Variants in CYP7B1 observed in about 807,000 individuals in gnomAD.
The protein encoded by CYP7B1 is cytochrome P450 7B1.
Under a neutral mutation model 42.7 loss-of-function variants are expected in CYP7B1, and 29 were observed. That is an observed-to-expected ratio of 0.68 (90% CI 0.51 to 0.93). The LOEUF (loss-of-function observed/expected upper bound fraction) is 0.93, where lower values mean the gene tolerates loss of function less well. CYP7B1 is among the 40% of genes least tolerant of loss of function. CYP7B1 has a pLI of 0.00. For missense variants in CYP7B1, 655 were observed against 600.5 expected, an observed-to-expected ratio of 1.09 and a Z score of -0.95; for synonymous variants, 235 against 218.2, an observed-to-expected ratio of 1.08 and a Z score of -0.68.
At chr8:64,613,336 T>C (rs1333089800) in intron 4 of CYP7B1, among the ~76,000 whole-genome samples, 1 of 152,178 alleles carries the variant, frequency 6.6e-6, no homozygotes, top group Non-Finnish European at 1.5e-5. Flanking sequence ...TAAATGTTTC[T>C]GCTTTAATAC....
intron 1 of CYP7B1, among the ~76,000 whole-genome samples, chr8:64,683,889 G>A (rs1353846485): frequency 6.6e-6 from 1 of 151,912 alleles, no homozygotes; most frequent in African/African-American, 2.4e-5. Flanking sequence ...CCGGAATGTT[G>A]TTCTTCTAGA....
At chr8:64,644,317 G>C (rs1354109724) in intron 1 of CYP7B1, among the ~76,000 whole-genome samples, 1 of 151,148 alleles carries the variant, frequency 6.6e-6, no homozygotes, top group Non-Finnish European at 1.5e-5. Context: ...CAAAACTCCT[G>C]TTAATATTGG....
At chr8:64,686,312 G>A (rs1463187335) in intron 1 of CYP7B1, among the ~76,000 whole-genome samples, 1 of 40,412 alleles carries the variant, frequency 2.5e-5, no homozygotes. Flanking sequence ...CAGCCGCCCC[G>A]TCCGGGAGGT....
At position 64,609,096 on chromosome 8, in the gene CYP7B1, A is replaced by G. The variant is rs543108504; in HGVS notation, c.1058-4239T>C. ...TAGGAAGTTCAAAGTTGGAAAATAC[A>G]TATAAACAGGAATGCTCCCAAGATC... is the stretch of plus-strand genomic sequence containing the variant. On this transcript the variant is annotated intron_variant, in intron 4 of 5. Coordinates refer to ENST00000310193, the MANE Select transcript of CYP7B1 (RefSeq NM_004820.5). Among the ~76,000 whole-genome samples the G allele has an allele frequency of 9.8e-5, 15 of 152,350 alleles. No homozygotes were observed. In the South Asian group the frequency reaches 2.9e-3, roughly 29 times the overall value.
chr8:64,649,149 T>C (rs553683327), intron 1 of CYP7B1, among the ~76,000 whole-genome samples: 1 of 152,136 alleles, frequency 6.6e-6, no homozygotes, highest in South Asian at 2.1e-4. Context: ...CCCCTCCAGC[T>C]CTTTAAAACC....
Position 64,664,296 on chromosome 8 carries a change from A to G in CYP7B1, c.123-39757T>C, listed in dbSNP as rs562774930. Reference sequence around the variant, plus strand: ...CTCAGCATTTTTCAGGCCACACCATATATATTTACACACATACATATACAC... The same window carrying G: ...CTCAGCATTTTTCAGGCCACACCATGTATATTTACACACATACATATACAC... On this transcript the variant is annotated intron_variant, in intron 1 of 5. Coordinates refer to ENST00000310193, the MANE Select transcript of CYP7B1 (RefSeq NM_004820.5). Among the ~76,000 whole-genome samples the G allele has an allele frequency of 3.3e-5, 5 of 152,286 alleles. No homozygotes were observed. The South Asian group carries it at 1.0e-3, about 32-fold the overall frequency.
chr8:64,714,729 T>C (rs2045577972), intron 1 of CYP7B1, among the ~76,000 whole-genome samples: 1 of 152,212 alleles, frequency 6.6e-6, no homozygotes, highest in African/African-American at 2.4e-5. Context: ...TGAAAACTGA[T>C]GTCCCCATCA....
intron 1 of CYP7B1, among the ~76,000 whole-genome samples, chr8:64,655,596 T>A (rs1174935702): frequency 6.6e-6 from 1 of 152,168 alleles, no homozygotes. Context: ...TCAACCACTG[T>A]GGAAAGCAGT....
At chr8:64,755,369 G>A (rs1473993874) in intron 1 of CYP7B1, among the ~76,000 whole-genome samples, 1 of 152,082 alleles carries the variant, frequency 6.6e-6, no homozygotes, top group African/African-American at 2.4e-5. Context: ...TCCATTGTCT[G>A]TCTGGTTTCT....
intron 1 of CYP7B1, among the ~76,000 whole-genome samples, chr8:64,653,554 C>T (rs891628292): frequency 7.2e-5 from 11 of 152,150 alleles, no homozygotes; most frequent in Admixed American, 3.9e-4. Flanking sequence ...GATTCACAGC[C>T]AAATTCTACC....
In CYP7B1 at chr8:64,593,531, C is replaced by G. The variant is rs1258417591; in HGVS notation, c.*3111G>C. On this transcript the variant is annotated 3_prime_UTR_variant, in exon 6 of 6. Transcript: ENST00000310193. Reference sequence around the variant, plus strand: ...ACAATACCTATGTAGCGTTCCCTCCCCACTCCCAGATAATCAAGCTGAAAT... The same window carrying G: ...ACAATACCTATGTAGCGTTCCCTCCGCACTCCCAGATAATCAAGCTGAAAT... Among the ~76,000 whole-genome samples, 2 of 152,076 alleles carry G rather than the reference C, an allele frequency of 1.3e-5. No individual in the cohort carries two copies. Among genetic ancestry groups the G allele is most frequent in the African/African-American group, 4.8e-5 (2 of 41,386 alleles).
chr8:64,729,989 C>T (rs1807384430), intron 1 of CYP7B1, among the ~76,000 whole-genome samples: 1 of 151,954 alleles, frequency 6.6e-6, no homozygotes, highest in Non-Finnish European at 1.5e-5. Flanking sequence ...TCAGCTATGT[C>T]TTCTATATAT....
chr8:64,785,318 C>G (rs956100291), intron 1 of CYP7B1, among the ~76,000 whole-genome samples: 6 of 152,206 alleles, frequency 3.9e-5, no homozygotes, highest in Non-Finnish European at 1.5e-5. Flanking sequence ...CAAAACTAAA[C>G]ATACACTTAC....
chr8:64,686,443 G>A lies in CYP7B1; in HGVS notation c.123-61904C>T, dbSNP rs1251591829. ...CCCCGCCTGGCCAGCCGCCCCGTCC[G>A]GGAGGGAGGTTGGGGGGTCAGCCCC... On this transcript the variant is annotated intron_variant, in intron 1 of 5. Transcript: ENST00000310193. 1.2e-4 allele frequency among the ~76,000 whole-genome samples: 5 copies of A among 41,098 alleles called. 1 individual carries two copies. Among genetic ancestry groups the A allele is most frequent in the African/African-American group, 2.3e-4 (2 of 8,870 alleles). 27.0% of individuals were successfully genotyped at this position (41,098 alleles called of 152,430 possible). A position where few individuals can be genotyped will look rare whatever the true frequency, so the allele number is the denominator to read the frequency against.
At chr8:64,707,691 G>GT (rs544341888) in intron 1 of CYP7B1, among the ~76,000 whole-genome samples, 2,901 of 147,974 alleles carry the variant, frequency 0.02, 37 homozygotes, top group East Asian at 0.028. Flanking sequence ...TATTCAATTA[G>GT]TTTTTTTTTT....
At chr8:64,769,993 A>G (rs1804194007) in intron 1 of CYP7B1, among the ~76,000 whole-genome samples, 1 of 152,164 alleles carries the variant, frequency 6.6e-6, no homozygotes, top group African/African-American at 2.4e-5. Context: ...ATCCTTCTTT[A>G]TCTCATCTTT....
chr8:64,667,932 C>T (rs1806306533), intron 1 of CYP7B1, among the ~76,000 whole-genome samples: 1 of 152,182 alleles, frequency 6.6e-6, no homozygotes, highest in African/African-American at 2.4e-5. Flanking sequence ...AATGCAGTGG[C>T]TTCATCCTCT....
intron 1 of CYP7B1, among the ~76,000 whole-genome samples, chr8:64,707,473 C>G (rs1257197051): frequency 1.3e-5 from 2 of 152,056 alleles, no homozygotes; most frequent in African/African-American, 4.8e-5. Context: ...AGAGACTTCA[C>G]AAACACAATC....
intron 1 of CYP7B1, among the ~76,000 whole-genome samples, chr8:64,763,517 G>A (rs112332157): frequency 1.5e-3 from 232 of 152,282 alleles, no homozygotes; most frequent in African/African-American, 5.1e-3. Flanking sequence ...GACCACTTTC[G>A]CTTGCTATTC....
Sources: allele counts gnomAD v4.1 joint callset (sites outside exome capture counted in the v4.1 genomes callset), GRCh38; gene constraint gnomAD v4.1.1; transcripts MANE v1.5; gene names NCBI Gene and HGNC (gene_info 2026-07-23, HGNC 2026-07-21).